NUP62: variants seen among roughly 807,000 people sequenced by gnomAD.
NUP62 encodes nucleoporin 62, also known as nuclear pore glycoprotein p62.
For synonymous variants in NUP62, 305 were observed against 303.4 expected (o/e 1.01, Z -0.05); for missense variants, 647 against 689.4 (o/e 0.94, Z 0.69).
In NUP62 at chr19:49,907,399, C is replaced by A. The variant is rs1342676722; in HGVS notation, c.*840G>T. The A allele has an allele frequency of 7.9e-6, 3 of 381,778 alleles. No homozygotes were observed. Among genetic ancestry groups the A allele is most frequent in the African/African-American group, 2.2e-5 (1 of 45,264 alleles). The allele number at this position is 381,778 out of a possible 1,614,324, so 23.6% of individuals were successfully genotyped here. ...CACCCTGTGTGTGCAGGCCCCTCAG[C>A]TGACCTGTCTTCTGTGAAATTCTTG... On this transcript the variant is annotated 3_prime_UTR_variant, in exon 3 of 3. Coordinates refer to ENST00000352066, the MANE Select transcript of NUP62 (RefSeq NM_016553.5).
At chr19:49,917,370 G>A (rs780866292) in intron 2 of NUP62, among the ~76,000 whole-genome samples, 23 of 152,174 alleles carry the variant, frequency 1.5e-4, no homozygotes, top group Non-Finnish European at 2.5e-4. Flanking sequence ...CTTCTTAACC[G>A]TCTCCTGAAT....
intron 1 of NUP62, chr19:49,928,569 T>G (rs1424541759): frequency 6.6e-6 from 1 of 151,726 alleles, no homozygotes; most frequent in Non-Finnish European, 1.5e-5. Flanking sequence ...GCTCTGTGCA[T>G]AAGGCTTGCC....
chr19:49,924,973 C>A (rs898984562), intron 2 of NUP62, among the ~76,000 whole-genome samples: 2 of 152,154 alleles, frequency 1.3e-5, no homozygotes, highest in African/African-American at 4.8e-5. Flanking sequence ...AAAAATTACC[C>A]ACACCGGGCC....
chr19:49,913,850 G>A lies in NUP62; in HGVS notation c.-77-3966C>T, dbSNP rs149195233. On this transcript the variant is annotated intron_variant, in intron 2 of 2. Coordinates refer to ENST00000352066, the MANE Select transcript of NUP62 (RefSeq NM_016553.5). Reference sequence around the variant, plus strand: ...CCATACATACCATGCTAACGGTTCGGGCGTTATATTGAGGGAGCCACAGGC... The same window carrying A: ...CCATACATACCATGCTAACGGTTCGAGCGTTATATTGAGGGAGCCACAGGC... Among the ~76,000 whole-genome samples, 149 of 152,268 alleles carry A rather than the reference G, an allele frequency of 9.8e-4. 1 individual carries two copies. The highest frequency in any genetic ancestry group is 3.4e-3 in the Middle Eastern group (1 of 294).
At chr19:49,914,726 G>GTTTTTTTTGTTT (rs2075576039) in intron 2 of NUP62, among the ~76,000 whole-genome samples, 1 of 56,362 alleles carries the variant, frequency 1.8e-5, no homozygotes, top group Non-Finnish European at 3.2e-5. Flanking sequence ...CCAAGTCCCA[G>GTTTTTTTTGTTT]TTTTTTTTTT....
chr19:49,916,712 C>T (rs1330111351), intron 2 of NUP62, among the ~76,000 whole-genome samples: 1 of 151,268 alleles, frequency 6.6e-6, no homozygotes, highest in Non-Finnish European at 1.5e-5. Flanking sequence ...TGCAGTAAGC[C>T]GAGATCACAC....
chr19:49,907,695 C>G lies in NUP62; in HGVS notation c.*544G>C. ...TTGAGATCACAGGCGTCCACCACAC[C>G]TGACTAATTTTTGTATTTTTAGTAG... On this transcript the variant is annotated 3_prime_UTR_variant, in exon 3 of 3. Coordinates refer to ENST00000352066, the MANE Select transcript of NUP62 (RefSeq NM_016553.5). 2.9e-6 allele frequency: 1 copy of G among 349,196 alleles called. No individual in the cohort carries two copies. Among genetic ancestry groups the G allele is most frequent in the Non-Finnish European group, 5.5e-6 (1 of 180,882 alleles). The allele number at this position is 349,196 out of a possible 1,614,324, so 21.6% of individuals were successfully genotyped here.
intron 2 of NUP62, among the ~76,000 whole-genome samples, chr19:49,923,120 A>G (rs1231977930): frequency 6.6e-6 from 1 of 152,118 alleles, no homozygotes; most frequent in East Asian, 1.9e-4. Flanking sequence ...TGAAGGGACA[A>G]GGGCAGGCAC....
rs149405354 is a variant in NUP62 at position 49,909,247 on chromosome 19, C to T, written c.561G>A (p.Thr187=). ...GNSAQPTAPA[T]LPFTPATPAA... ...CTGGCGTGGCCGGAGTGAAGGGCAA[C>T]GTGGCAGGTGCCGTGGGCTGGGCTG... Residue 187 remains threonine, a synonymous_variant, in exon 3 of 3, where the codon ACG becomes ACA. Transcript: ENST00000352066. The T allele has an allele frequency of 3.9e-5, 63 of 1,613,872 alleles. No homozygotes were observed. The highest frequency in any genetic ancestry group is 1.5e-4 in the South Asian group (14 of 91,076).
chr19:49,913,330 C>G (rs1398555583), intron 2 of NUP62, among the ~76,000 whole-genome samples: 1 of 152,222 alleles, frequency 6.6e-6, no homozygotes, highest in Non-Finnish European at 1.5e-5. Flanking sequence ...CCAGGAGAAT[C>G]TCTATGTTCT....
At chr19:49,922,787 GC>G (rs1448509536) in intron 2 of NUP62, among the ~76,000 whole-genome samples, 1 of 151,956 alleles carries the variant, frequency 6.6e-6, no homozygotes, top group African/African-American at 2.4e-5. Context: ...CAGTGTTGCT[GC>G]GGCCCCGGTG....
At chr19:49,918,895 T>TGGGGGGGGGGGGGGGGGG (rs56129490) in intron 2 of NUP62, among the ~76,000 whole-genome samples, 7 of 72,332 alleles carry the variant, frequency 9.7e-5, no homozygotes, top group Admixed American at 3.5e-4. Context: ...TTTGGGAGGC[T>TGGGGGGGGGGGGGGGGGG]GGGGGGGGGG....
chr19:49,911,009 T>A (rs2075448766), intron 2 of NUP62: 1 of 152,206 alleles, frequency 6.6e-6, no homozygotes, highest in African/African-American at 2.4e-5. Context: ...ACCCAAGTGA[T>A]CCTCCCACCT....
At chr19:49,912,417 C>T (rs1317795464) in intron 2 of NUP62, among the ~76,000 whole-genome samples, 1 of 152,166 alleles carries the variant, frequency 6.6e-6, no homozygotes, top group Non-Finnish European at 1.5e-5. Context: ...GATCCGCTTG[C>T]CTCGGCCTCC....
chr19:49,921,674 C>A lies in NUP62; in HGVS notation c.-78+6020G>T, dbSNP rs2075768277. ...CTCAAAACTCTCCATGGGGGGTACC[C>A]CTCTGCCCATTGAGGGGGCACCTAG... On this transcript the variant is annotated intron_variant, in intron 2 of 2. Coordinates refer to ENST00000352066, the MANE Select transcript of NUP62 (RefSeq NM_016553.5). This position sits in a 1 kb window ranked among gnomAD's most constrained non-coding sequence, Gnocchi z 5.4. Among the ~76,000 whole-genome samples, 1 of 152,224 alleles carries A rather than the reference C, an allele frequency of 6.6e-6. No individual in the cohort carries two copies. Among genetic ancestry groups the A allele is most frequent in the Non-Finnish European group, 1.5e-5 (1 of 68,036 alleles).
intron 2 of NUP62, among the ~76,000 whole-genome samples, chr19:49,923,713 G>A (rs2075817448): frequency 6.6e-6 from 1 of 152,224 alleles, no homozygotes; most frequent in Admixed American, 6.5e-5. Context: ...CAAAACCACC[G>A]TCTGCAATGG....
intron 2 of NUP62, chr19:49,917,940 A>C (rs1047231203): frequency 6.6e-6 from 1 of 152,284 alleles, no homozygotes; most frequent in Non-Finnish European, 1.5e-5. Context: ...GCTGAGGCGG[A>C]GGTTGCAGTG....
In NUP62 at chr19:49,909,636, C is replaced by T. The variant is rs755566695; in HGVS notation, c.172G>A (p.Gly58Ser). The T allele has an allele frequency of 2.9e-5, 47 of 1,613,968 alleles. No individual in the cohort carries two copies. Among genetic ancestry groups the T allele is most frequent in the South Asian group, 1.1e-4 (10 of 91,088 alleles). The change falls in exon 3 of 3, where the codon GGC (glycine) becomes AGC (serine). Residue 58 changes from glycine to serine, a missense_variant. Gly to Ser is a moderately conservative substitution (Grantham distance 56). Transcript: ENST00000352066. ...FQPATSTPST[G>S]LFSLATQTPA... ...GTCTGGGTGGCAAGTGAGAACAGGC[C>T]GGTGGAAGGGGTACTTGTGGCTGGT...
chr19:49,917,169 G>A (rs1360381682), intron 2 of NUP62, among the ~76,000 whole-genome samples: 1 of 152,218 alleles, frequency 6.6e-6, no homozygotes, highest in Non-Finnish European at 1.5e-5. Context: ...GGAGAGGAGA[G>A]AAACAAGGGG....
Sources: allele counts gnomAD v4.1 joint callset (sites outside exome capture counted in the v4.1 genomes callset), GRCh38; gene constraint gnomAD v4.1.1; non-coding constraint Gnocchi (gnomAD v3.1); transcripts MANE v1.5; gene names NCBI Gene and HGNC (gene_info 2026-07-23, HGNC 2026-07-21).